TBC1D5: variants seen among roughly 807,000 people sequenced by gnomAD.
TBC1D5 encodes the protein TBC1 domain family, member 5.
In TBC1D5, 75 loss-of-function variants were observed where a neutral mutation model predicts 100.3. The ratio of observed to expected loss-of-function variants is 0.75; its 90% CI spans 0.62 to 0.91. TBC1D5 has a LOEUF of 0.91. Among genes scored for constraint, TBC1D5 ranks in the 40% least tolerant of loss-of-function variants. The probability of loss-of-function intolerance (pLI) is 0.00; values close to 1 mark genes in which losing one functional copy is unlikely to be tolerated. For synonymous variants in TBC1D5, 323 were observed against 325.6 expected, an observed-to-expected ratio of 0.99 and a Z score of 0.09; for missense variants, 910 against 942.4, an observed-to-expected ratio of 0.97 and a Z score of 0.45.
At chr3:17,445,942 GGAA>G (rs749226506) in intron 3 of TBC1D5, among the ~76,000 whole-genome samples, 2 of 152,120 alleles carry the variant, frequency 1.3e-5, no homozygotes, top group Non-Finnish European at 2.9e-5. Flanking sequence ...TCTAGGAAAT[GGAA>G]GAAGAACAAC....
intron 14 of TBC1D5, among the ~76,000 whole-genome samples, chr3:17,297,260 C>A (rs192591766): frequency 3.9e-5 from 6 of 152,292 alleles, no homozygotes; most frequent in Admixed American, 3.9e-4. Flanking sequence ...CTGAGGAAAT[C>A]AAATGAGATG....
chr3:17,278,590 A>G lies in TBC1D5; in HGVS notation c.1245+13305T>C, dbSNP rs561322855. 2.6e-5 allele frequency among the ~76,000 whole-genome samples: 4 copies of G among 151,906 alleles called. No individual in the cohort carries two copies. In the South Asian group the frequency reaches 8.3e-4, roughly 32 times the overall value. On this transcript the variant is annotated intron_variant, in intron 15 of 21. Coordinates refer to ENST00000253692, the Ensembl canonical transcript of TBC1D5. ...CAATATGCTTCTGTACTTTTTGAAA[A>G]CCTCTGTTACATGCTTTGTGAAGGT... is the stretch of plus-strand genomic sequence containing the variant.
chr3:17,681,970 T>G (rs574097230), intron 1 of TBC1D5, among the ~76,000 whole-genome samples: 2 of 151,572 alleles, frequency 1.3e-5, no homozygotes, highest in Non-Finnish European at 2.9e-5. Flanking sequence ...CTAGGTTGCC[T>G]GCACCTTATG....
At chr3:17,381,234 A>T (rs2092931889) in intron 9 of TBC1D5, among the ~76,000 whole-genome samples, 1 of 152,090 alleles carries the variant, frequency 6.6e-6, no homozygotes, top group Non-Finnish European at 1.5e-5. Context: ...CACAAATGGT[A>T]GATGGAGTGC....
intron 13 of TBC1D5, among the ~76,000 whole-genome samples, chr3:17,367,971 T>G (rs2092260923): frequency 7.5e-6 from 1 of 134,094 alleles, no homozygotes; most frequent in Non-Finnish European, 1.6e-5. Flanking sequence ...ATAATATAAA[T>G]TACCTTTAGG....
chr3:17,720,953 C>T (rs2075649983), intron 1 of TBC1D5, among the ~76,000 whole-genome samples: 1 of 151,834 alleles, frequency 6.6e-6, no homozygotes, highest in Non-Finnish European at 1.5e-5. Context: ...GATTCTCCTG[C>T]CTCAGCCTTC....
chr3:17,537,289 C>T (rs1353984870), intron 2 of TBC1D5, among the ~76,000 whole-genome samples: 1 of 152,208 alleles, frequency 6.6e-6, no homozygotes, highest in East Asian at 1.9e-4. Flanking sequence ...GGCTTAACCA[C>T]TGCTTAGCAT....
At chr3:17,417,690 C>T (rs1029522561) in intron 4 of TBC1D5, among the ~76,000 whole-genome samples, 1 of 151,990 alleles carries the variant, frequency 6.6e-6, no homozygotes, top group Non-Finnish European at 1.5e-5. Flanking sequence ...GATTTATAGT[C>T]CCTTGGGTAT....
intron 15 of TBC1D5, among the ~76,000 whole-genome samples, chr3:17,262,484 T>G (rs917953945): frequency 3.3e-5 from 5 of 149,628 alleles, no homozygotes; most frequent in Admixed American, 1.3e-4. Context: ...CAATGTTTTT[T>G]TTTTTTTTTT....
intron 9 of TBC1D5, among the ~76,000 whole-genome samples, chr3:17,381,849 T>C (rs2092958629): frequency 6.6e-6 from 1 of 152,090 alleles, no homozygotes; most frequent in Non-Finnish European, 1.5e-5. Context: ...CCATCTGGAA[T>C]TTATTCTCCA....
At chr3:17,697,646 G>C (rs530273567) in intron 1 of TBC1D5, among the ~76,000 whole-genome samples, 1 of 152,202 alleles carries the variant, frequency 6.6e-6, no homozygotes, top group Non-Finnish European at 1.5e-5. Flanking sequence ...CTCACGGATA[G>C]GAAGAATCAA....
intron 16 of TBC1D5, among the ~76,000 whole-genome samples, chr3:17,251,636 C>G (rs2077193396): frequency 6.6e-6 from 1 of 152,174 alleles, no homozygotes; most frequent in Non-Finnish European, 1.5e-5. Context: ...TTTCTCTTCT[C>G]TGCTTCACCA....
At chr3:17,363,679 C>T (rs1391595193) in intron 13 of TBC1D5, among the ~76,000 whole-genome samples, 1 of 151,824 alleles carries the variant, frequency 6.6e-6, no homozygotes, top group East Asian at 1.9e-4. Context: ...TCTCAAAGCG[C>T]TGCGATTATA....
chr3:17,428,625 C>A, intron 3 of TBC1D5, 106 bp from the exon 4 acceptor site: 1 of 351,942 alleles, frequency 2.8e-6, no homozygotes, highest in East Asian at 5.8e-5. Context: ...AAGCATACAT[C>A]CTCTCCCCCT....
chr3:17,712,209 C>T (rs1276104657), intron 1 of TBC1D5, among the ~76,000 whole-genome samples: 1 of 152,032 alleles, frequency 6.6e-6, no homozygotes, highest in Admixed American at 6.6e-5. Context: ...TTTCTGGGTA[C>T]CAATAACAGA....
intron 1 of TBC1D5, among the ~76,000 whole-genome samples, chr3:17,665,915 C>T (rs1299932239): frequency 6.6e-6 from 1 of 152,118 alleles, no homozygotes; most frequent in Non-Finnish European, 1.5e-5. Flanking sequence ...GTGTGTGTGA[C>T]CCTTTAGACA....
intron 3 of TBC1D5, among the ~76,000 whole-genome samples, chr3:17,489,141 G>A (rs2095607040): frequency 6.6e-6 from 1 of 151,826 alleles, no homozygotes; most frequent in African/African-American, 2.4e-5. Flanking sequence ...GAGACTGAGT[G>A]CAATGAGTAT....
chr3:17,638,261 G>A (rs934153031), intron 1 of TBC1D5, among the ~76,000 whole-genome samples: 19 of 151,908 alleles, frequency 1.3e-4, no homozygotes, highest in African/African-American at 4.6e-4. Context: ...GTCAATTTTA[G>A]AACATTTTTA....
intron 2 of TBC1D5, among the ~76,000 whole-genome samples, chr3:17,588,276 A>G (rs1355259235): frequency 6.6e-6 from 1 of 151,654 alleles, no homozygotes; most frequent in Non-Finnish European, 1.5e-5. Flanking sequence ...AAAAGAGAAC[A>G]CTATGGGCAG....
Sources: allele counts gnomAD v4.1 joint callset (sites outside exome capture counted in the v4.1 genomes callset), GRCh38; gene constraint gnomAD v4.1.1; transcripts MANE v1.5; gene names NCBI Gene and HGNC (gene_info 2026-07-23, HGNC 2026-07-21).